The following LDB2 variants were observed in gnomAD, a reference collection of about 807,000 sequenced individuals.
LDB2 encodes LIM domain binding 2.
LDB2 carries 12 observed loss-of-function variants against 44.3 expected under a neutral mutation model. The ratio of observed to expected loss-of-function variants is 0.27; its 90% CI spans 0.17 to 0.44. The LOEUF is 0.44. LDB2 is among the 20% of genes least tolerant of loss of function. The pLI, the probability that LDB2 is intolerant of heterozygous loss-of-function variation, is 1.00. For missense variants in LDB2, 344 were observed against 473.5 expected, an observed-to-expected ratio of 0.73 and a Z score of 2.54; for synonymous variants, 164 against 174.8, an observed-to-expected ratio of 0.94 and a Z score of 0.49.
chr4:16,594,330 G>A (rs552420237), intron 3 of LDB2, among the ~76,000 whole-genome samples: 1 of 152,306 alleles, frequency 6.6e-6, no homozygotes, highest in Non-Finnish European at 1.5e-5. Flanking sequence ...AATGAAGTGA[G>A]ACATGGGCAG....
intron 1 of LDB2, among the ~76,000 whole-genome samples, chr4:16,891,847 T>G (rs1262412492): frequency 6.6e-6 from 1 of 152,174 alleles, no homozygotes; most frequent in African/African-American, 2.4e-5. Flanking sequence ...AAAATTTCTA[T>G]AGGTAAAACT....
chr4:16,520,830 A>G (rs1725799405), intron 5 of LDB2, among the ~76,000 whole-genome samples: 1 of 152,170 alleles, frequency 6.6e-6, no homozygotes, highest in Admixed American at 6.5e-5. Flanking sequence ...AGCCAAGCTC[A>G]CGATTTCTGC....
In LDB2 at chr4:16,594,089, A is replaced by AT. The variant is rs34484077; in HGVS notation, c.408+1613dup. Among the ~76,000 whole-genome samples, 22 of 149,702 alleles carry AT rather than the reference A, an allele frequency of 1.5e-4. No homozygotes were observed. The South Asian group carries it at 1.7e-3, about 11-fold the overall frequency. On this transcript the variant is annotated intron_variant, in intron 3 of 7. Transcript: ENST00000304523. Reference sequence around the variant, plus strand: ...AAAGTTTTTAATTTAATTATCATGGATTTTTTTTTTCCCCTTACAGCATAA... The same window carrying AT: ...AAAGTTTTTAATTTAATTATCATGGATTTTTTTTTTTCCCCTTACAGCATAA...
chr4:16,873,577 C>A lies in LDB2; in HGVS notation c.132+24777G>T, dbSNP rs910731764. Reference sequence around the variant, plus strand: ...CCTTAAAAAATTCAACAAAGAAAAACCAAATTATTCCAATTCCTAAAGAGT... The same window carrying A: ...CCTTAAAAAATTCAACAAAGAAAAAACAAATTATTCCAATTCCTAAAGAGT... On this transcript the variant is annotated intron_variant, in intron 1 of 7. Transcript: ENST00000304523. 5.9e-5 allele frequency among the ~76,000 whole-genome samples: 9 copies of A among 152,174 alleles called. No homozygotes were observed. In the East Asian group the frequency reaches 1.5e-3, roughly 26 times the overall value.
At chr4:16,587,175 A>C (rs1280354625) in intron 4 of LDB2, among the ~76,000 whole-genome samples, 2 of 152,200 alleles carry the variant, frequency 1.3e-5, no homozygotes, top group Admixed American at 6.5e-5. Flanking sequence ...AATAATAAAG[A>C]AATGCAAAAA....
intron 2 of LDB2, among the ~76,000 whole-genome samples, chr4:16,723,422 C>T (rs979130923): frequency 1.3e-5 from 2 of 152,152 alleles, no homozygotes; most frequent in Admixed American, 6.5e-5. Flanking sequence ...GACCCACTCT[C>T]ATGATAACAG....
At chr4:16,780,559 G>A (rs1051759510) in intron 1 of LDB2, among the ~76,000 whole-genome samples, 4 of 152,116 alleles carry the variant, frequency 2.6e-5, no homozygotes, top group African/African-American at 9.7e-5. Flanking sequence ...GCTCCACAAG[G>A]CCACCAGAGG....
At chr4:16,560,209 C>A (rs968259023) in intron 5 of LDB2, among the ~76,000 whole-genome samples, 6 of 152,096 alleles carry the variant, frequency 3.9e-5, no homozygotes, top group Non-Finnish European at 5.9e-5. Flanking sequence ...CAAGAAATAA[C>A]TAAAATCAGA....
intron 5 of LDB2, among the ~76,000 whole-genome samples, chr4:16,536,335 G>A (rs764397990): frequency 1.3e-5 from 2 of 152,154 alleles, no homozygotes; most frequent in Non-Finnish European, 1.5e-5. Flanking sequence ...CTGCTTTATC[G>A]TAAATGTCTG....
chr4:16,542,574 C>T (rs932112564), intron 5 of LDB2, among the ~76,000 whole-genome samples: 2 of 152,092 alleles, frequency 1.3e-5, no homozygotes, highest in African/African-American at 4.8e-5. Flanking sequence ...GATGGTGAGC[C>T]TTATAATCGA....
chr4:16,526,241 C>T (rs1196239592), intron 5 of LDB2, among the ~76,000 whole-genome samples: 1 of 152,224 alleles, frequency 6.6e-6, no homozygotes, highest in Admixed American at 6.5e-5. Flanking sequence ...TGAATTCTCT[C>T]TCGCTTTTCT....
intron 5 of LDB2, among the ~76,000 whole-genome samples, chr4:16,575,522 G>A (rs1240782047): frequency 2.6e-5 from 4 of 152,130 alleles, no homozygotes; most frequent in Non-Finnish European, 5.9e-5. Context: ...CTTGGCACAT[G>A]GATGATTCTC....
intron 1 of LDB2, among the ~76,000 whole-genome samples, chr4:16,768,906 T>C (rs974963983): frequency 1.3e-5 from 2 of 152,228 alleles, no homozygotes. Flanking sequence ...GTTAGATATT[T>C]GCTTAACATG....
intron 2 of LDB2, among the ~76,000 whole-genome samples, chr4:16,749,592 ATAT>A (rs1561092189): frequency 2.9e-4 from 39 of 133,268 alleles, no homozygotes; most frequent in African/African-American, 1.2e-3. Flanking sequence ...AAAAAAAAAT[ATAT>A]ATATATATAT....
At chr4:16,586,504 AC>A (rs1192112957) in intron 4 of LDB2, among the ~76,000 whole-genome samples, 13 of 125,586 alleles carry the variant, frequency 1.0e-4, no homozygotes, top group South Asian at 2.7e-4. Flanking sequence ...ACACACACAC[AC>A]ACACACACAC....
intron 2 of LDB2, among the ~76,000 whole-genome samples, chr4:16,615,518 C>T (rs1395936154): frequency 1.3e-5 from 2 of 152,124 alleles, no homozygotes; most frequent in Non-Finnish European, 1.5e-5. Context: ...GAAAACCAAA[C>T]ACCACATGTT....
At position 16,863,656 on chromosome 4, in the gene LDB2, C is replaced by CTTTTTT. The variant is rs143950913; in HGVS notation, c.132+34692_132+34697dup. ...ACCTCCTCCACCAGACTCACATTCT[C>CTTTTTT]TTTTTTTTTTTTTTTTTTTTTTGAG... is the stretch of plus-strand genomic sequence containing the variant. On this transcript the variant is annotated intron_variant, in intron 1 of 7. Transcript: ENST00000304523. Among the ~76,000 whole-genome samples, 131 of 91,908 alleles carry CTTTTTT rather than the reference C, an allele frequency of 1.4e-3. 11 individuals are homozygous for CTTTTTT. The East Asian group carries it at 0.016, about 11-fold the overall frequency. 60.3% of individuals were successfully genotyped at this position (91,908 alleles called of 152,430 possible).
In LDB2 at chr4:16,508,705, A is replaced by T; in HGVS notation, c.740-19T>A. The T allele has an allele frequency of 6.2e-7, 1 of 1,611,934 alleles. No homozygotes were observed. Among genetic ancestry groups the T allele is most frequent in the Non-Finnish European group, 8.5e-7 (1 of 1,178,916 alleles). On this transcript the variant is annotated intron_variant, in intron 6 of 7. Coordinates refer to ENST00000304523, the MANE Select transcript of LDB2 (RefSeq NM_001290.5). The stretch of plus-strand genomic sequence containing the variant: ...GGTTCTGCTGCAATATGGAAAAGGG[A>T]AGAGGGATCAGTTCTAGGGCAAAAG...
At chr4:16,570,922 T>G (rs375499427) in intron 5 of LDB2, among the ~76,000 whole-genome samples, 3 of 152,304 alleles carry the variant, frequency 2.0e-5, no homozygotes, top group East Asian at 3.9e-4. Flanking sequence ...CCTGTTTTAT[T>G]GGTGAGGAAA....
Sources: gnomAD v4.1 joint callset for allele counts (sites outside exome capture counted in the v4.1 genomes callset) on GRCh38, gnomAD v4.1.1 for gene constraint, MANE v1.5 for transcripts, NCBI Gene and HGNC (gene_info 2026-07-23, HGNC 2026-07-21) for gene names.